The following RPS6KA2 variants were observed in gnomAD, a reference collection of about 807,000 sequenced individuals.
RPS6KA2 encodes ribosomal protein S6 kinase alpha-2.
In RPS6KA2, 42 loss-of-function variants were observed where a neutral mutation model predicts 91.8. The ratio of observed to expected loss-of-function variants is 0.46; its 90% confidence interval spans 0.36 to 0.59. RPS6KA2 has a LOEUF of 0.59. Ranked by LOEUF, RPS6KA2 falls within the 20% of genes least tolerant of loss-of-function variation. RPS6KA2 has a pLI of 0.00. For missense variants in RPS6KA2, 798 were observed against 978.5 expected (o/e 0.82, Z 2.46); for synonymous variants, 414 against 393.6 (o/e 1.05, Z -0.61).
At chr6:166,431,031 G>A (rs981875237) in intron 15 of RPS6KA2, among the ~76,000 whole-genome samples, 1 of 152,150 alleles carries the variant, frequency 6.6e-6, no homozygotes, top group South Asian at 2.1e-4. Flanking sequence ...GGGTTCAAGC[G>A]ATTCTCCTGC....
At chr6:166,532,858 T>G (rs953694299) in intron 2 of RPS6KA2, among the ~76,000 whole-genome samples, 1 of 152,142 alleles carries the variant, frequency 6.6e-6, no homozygotes, top group Non-Finnish European at 1.5e-5. Flanking sequence ...TGTGTGTGTG[T>G]GTGTGTGTCC....
At chr6:166,510,200 A>T in intron 4 of RPS6KA2, 77 bp downstream of exon 4, 1 of 906,712 alleles carries the variant, frequency 1.1e-6, no homozygotes, top group Non-Finnish European at 1.8e-6. Flanking sequence ...CTGATCTGTT[A>T]TTTCTTTTTC....
intron 2 of RPS6KA2, among the ~76,000 whole-genome samples, chr6:166,647,990 G>T (rs796701434): frequency 1.2e-5 from 1 of 81,522 alleles, no homozygotes; most frequent in Admixed American, 1.3e-4. Context: ...TCACACACAC[G>T]CACATGCTCA....
chr6:166,436,424 G>A (rs539129714), intron 14 of RPS6KA2, among the ~76,000 whole-genome samples: 3 of 152,202 alleles, frequency 2.0e-5, no homozygotes, highest in Admixed American at 1.3e-4. Flanking sequence ...GTCACTGGCC[G>A]GCCAGCAAGG....
In RPS6KA2 at chr6:166,563,770, T is replaced by C. The variant is rs1030134324; in HGVS notation, c.100-24986A>G. 2.0e-5 allele frequency among the ~76,000 whole-genome samples: 3 copies of C among 152,246 alleles called. No individual in the cohort carries two copies. Among genetic ancestry groups the C allele is most frequent in the African/African-American group, 7.2e-5 (3 of 41,460 alleles). ...TTTTATGGGCTGGACCTTTAGGGTA[T>C]TGTTTGTAAGATGTATATGATTTTC... On this transcript the variant is annotated intron_variant, in intron 1 of 20. Coordinates refer to ENST00000265678, the MANE Select transcript of RPS6KA2 (RefSeq NM_021135.6). This position sits in a 1 kb window ranked among gnomAD's most constrained non-coding sequence, Gnocchi z 4.1.
intron 2 of RPS6KA2, among the ~76,000 whole-genome samples, chr6:166,738,097 A>T (rs1583063242): frequency 6.6e-6 from 1 of 152,208 alleles, no homozygotes; most frequent in Non-Finnish European, 1.5e-5. Context: ...GTACATGTGG[A>T]TATTTCTTCC....
At position 166,448,578 on chromosome 6, in the gene RPS6KA2, GTGCTCCCATGTGCTGTACA is replaced by G; in HGVS notation, c.1332+127_1332+145del. ...CACATATGCTGTGCTCCTATGCTCC[GTGCTCCCATGTGCTGTACA>G]TGCTCCCACACGCTGCACTCACACA... On this transcript the variant is annotated intron_variant, in intron 14 of 20. Transcript: ENST00000265678. The surrounding 1 kb of genome is among the most constrained non-coding windows in gnomAD (Gnocchi z 4.7). 1 of 992,494 alleles carries G rather than the reference GTGCTCCCATGTGCTGTACA, an allele frequency of 1.0e-6. No individual in the cohort carries two copies. The highest frequency in any genetic ancestry group is 1.5e-6 in the Non-Finnish European group (1 of 689,522). The allele number at this position is 992,494 out of a possible 1,614,324, so 61.5% of individuals were successfully genotyped here. A position where few individuals can be genotyped will look rare whatever the true frequency, so the allele number is the denominator to read the frequency against.
At chr6:166,800,847 T>A (rs964421599) in intron 2 of RPS6KA2, among the ~76,000 whole-genome samples, 1 of 152,212 alleles carries the variant, frequency 6.6e-6, no homozygotes, top group African/African-American at 2.4e-5. Context: ...TGGAAATATA[T>A]GCCTTTGGTT....
At chr6:166,697,578 C>T (rs1789393428) in intron 2 of RPS6KA2, among the ~76,000 whole-genome samples, 1 of 152,206 alleles carries the variant, frequency 6.6e-6, no homozygotes, top group South Asian at 2.1e-4. Context: ...AAACAAGAAC[C>T]ACACCCTAAA....
chr6:166,642,491 A>C (rs1198277217), intron 2 of RPS6KA2, among the ~76,000 whole-genome samples: 1 of 152,258 alleles, frequency 6.6e-6, no homozygotes, highest in African/African-American at 2.4e-5. Context: ...TGCTATTTAA[A>C]AATAGCATAT....
At position 166,413,839 on chromosome 6, in the gene RPS6KA2, G is replaced by A; in HGVS notation, c.2031C>T (p.Tyr677=). The part of the protein sequence containing the change: ...LKHPWVVNRE[Y]LSPNQLSRQD... ...GTCGGCTGAGCTGGTTTGGGGACAG[G>A]TACTCTCTGTTGACCACCCACGGGT... The change falls in exon 20 of 21, where the codon TAC becomes TAT. Residue 677 remains tyrosine, a synonymous_variant. Coordinates refer to ENST00000265678, the MANE Select transcript of RPS6KA2 (RefSeq NM_021135.6). 1 of 1,614,188 alleles carries A rather than the reference G, an allele frequency of 6.2e-7. No homozygotes were observed. The highest frequency in any genetic ancestry group is 8.5e-7 in the Non-Finnish European group (1 of 1,180,014).
Position 166,726,544 on chromosome 6 carries a change from C to T in RPS6KA2, c.123+131656G>A, listed in dbSNP as rs1477732003. Among the ~76,000 whole-genome samples, 1 of 152,248 alleles carries T rather than the reference C, an allele frequency of 6.6e-6. No homozygotes were observed. Among genetic ancestry groups the T allele is most frequent in the Non-Finnish European group, 1.5e-5 (1 of 68,048 alleles). Reference sequence around the variant, plus strand: ...TGCATCCTGCCGCCCATGTCAGACACACGTCCCTTGCATGAAGAACTTAAG... The same window carrying T: ...TGCATCCTGCCGCCCATGTCAGACATACGTCCCTTGCATGAAGAACTTAAG... On this transcript the variant is annotated intron_variant, in intron 2 of 21. Transcript: ENST00000503859. The surrounding 1 kb of genome is among the most constrained non-coding windows in gnomAD (Gnocchi z 4.4).
intron 2 of RPS6KA2, among the ~76,000 whole-genome samples, chr6:166,836,309 GA>G (rs1237373481): frequency 6.6e-6 from 1 of 152,060 alleles, no homozygotes; most frequent in Non-Finnish European, 1.5e-5. Context: ...TATTTGTGTA[GA>G]ATTGGTAATA....
intron 2 of RPS6KA2, among the ~76,000 whole-genome samples, chr6:166,636,751 A>G (rs1434168421): frequency 6.6e-6 from 1 of 152,216 alleles, no homozygotes; most frequent in East Asian, 1.9e-4. Context: ...AGGCCAGGAG[A>G]AGCAGGGTGT....
chr6:166,462,755 C>T (rs559482949), intron 11 of RPS6KA2, among the ~76,000 whole-genome samples: 7 of 152,214 alleles, frequency 4.6e-5, no homozygotes, highest in Admixed American at 6.5e-5. Context: ...CTGCTTTCCC[C>T]GTGCTTTCCA....
At chr6:166,580,546 G>A (rs1346789148) in intron 1 of RPS6KA2, among the ~76,000 whole-genome samples, 3 of 152,200 alleles carry the variant, frequency 2.0e-5, no homozygotes, top group African/African-American at 4.8e-5. Context: ...TGTGTTGGGC[G>A]ACATTCAAAG....
intron 2 of RPS6KA2, among the ~76,000 whole-genome samples, chr6:166,720,580 AG>A (rs1790144999): frequency 6.6e-6 from 1 of 152,230 alleles, no homozygotes; most frequent in African/African-American, 2.4e-5. Flanking sequence ...CAAAGAATCT[AG>A]GAAGTCCTTG....
chr6:166,665,207 A>G lies in RPS6KA2; in HGVS notation c.124-126423T>C, dbSNP rs913141673. Among the ~76,000 whole-genome samples the G allele has an allele frequency of 2.0e-5, 3 of 152,184 alleles. No individual in the cohort carries two copies. The highest frequency in any genetic ancestry group is 1.3e-4 in the Admixed American group (2 of 15,284). Reference sequence around the variant, plus strand: ...CTCACAGACAGAGGAATGCCCCCCAAGATACTAACTCAGGTGAAAGATTGT... The same window carrying G: ...CTCACAGACAGAGGAATGCCCCCCAGGATACTAACTCAGGTGAAAGATTGT... On this transcript the variant is annotated intron_variant, in intron 2 of 21. Transcript: ENST00000503859. The surrounding 1 kb of genome is among the most constrained non-coding windows in gnomAD (Gnocchi z 4.5).
chr6:166,835,095 T>C (rs1174223533), intron 2 of RPS6KA2, among the ~76,000 whole-genome samples: 1 of 152,200 alleles, frequency 6.6e-6, no homozygotes, highest in Admixed American at 6.5e-5. Context: ...TACACCGACA[T>C]CTGTGTCAAA....
Sources: gnomAD v4.1 joint callset for allele counts (sites outside exome capture counted in the v4.1 genomes callset) on GRCh38, gnomAD v4.1.1 for gene constraint, Gnocchi (gnomAD v3.1) non-coding constraint, MANE v1.5 for transcripts, NCBI Gene and HGNC (gene_info 2026-07-23, HGNC 2026-07-21) for gene names.